Variants in MAN1A2 observed in about 807,000 individuals in gnomAD.
MAN1A2 encodes the protein mannosidase alpha class 1A member 2.
In MAN1A2, 26 loss-of-function variants were observed where a neutral mutation model predicts 75.7. The ratio of observed to expected loss-of-function variants is 0.34; its 90% confidence interval spans 0.25 to 0.48. The LOEUF is 0.48. Ranked by LOEUF, MAN1A2 falls within the 20% of genes least tolerant of loss-of-function variation. MAN1A2 has a pLI of 0.99. For missense variants in MAN1A2, 562 were observed against 775.5 expected (o/e 0.72, Z 3.27); for synonymous variants, 247 against 264.6 (o/e 0.93, Z 0.65).
intron 1 of MAN1A2, among the ~76,000 whole-genome samples, chr1:117,397,360 C>T (rs1275948774): frequency 6.6e-6 from 1 of 152,044 alleles, no homozygotes; most frequent in African/African-American, 2.4e-5. Flanking sequence ...ATGATTGGAG[C>T]TTTCCTTTAG....
chr1:117,486,822 T>C (rs530181267), intron 8 of MAN1A2, among the ~76,000 whole-genome samples: 21 of 152,012 alleles, frequency 1.4e-4, no homozygotes, highest in African/African-American at 5.1e-4. Flanking sequence ...AAAAGATTTT[T>C]CCCAGAGCTG....
chr1:117,406,662 A>G (rs796973026), intron 3 of MAN1A2, among the ~76,000 whole-genome samples: 2 of 152,184 alleles, frequency 1.3e-5, no homozygotes, highest in South Asian at 4.1e-4. Context: ...TAGAGACTTC[A>G]TAATATGATA....
intron 1 of MAN1A2, among the ~76,000 whole-genome samples, chr1:117,368,838 T>C (rs185781728): frequency 4.6e-5 from 7 of 152,322 alleles, no homozygotes; most frequent in Admixed American, 4.6e-4. Flanking sequence ...CCTGCATTTA[T>C]TAATAACGTG....
chr1:117,370,521 T>TA (rs141127624), intron 1 of MAN1A2, among the ~76,000 whole-genome samples: 11,623 of 152,298 alleles, frequency 0.076, 498 homozygotes, highest in Middle Eastern at 0.15. Context: ...TCTGTAGTAA[T>TA]AAACTTTCTT....
At chr1:117,485,021 G>A (rs1650626928) in intron 8 of MAN1A2, among the ~76,000 whole-genome samples, 1 of 151,806 alleles carries the variant, frequency 6.6e-6, no homozygotes, top group Non-Finnish European at 1.5e-5. Context: ...TGTGTTCAAG[G>A]GTTAAATGTT....
chr1:117,382,024 G>C (rs1298626537), intron 1 of MAN1A2, among the ~76,000 whole-genome samples: 13 of 151,882 alleles, frequency 8.6e-5, no homozygotes, highest in Non-Finnish European at 1.5e-4. Context: ...CCCACTTTTT[G>C]ATGGGGTTGT....
intron 1 of MAN1A2, among the ~76,000 whole-genome samples, chr1:117,373,769 C>A (rs927379556): frequency 6.6e-6 from 1 of 152,136 alleles, no homozygotes; most frequent in Admixed American, 6.5e-5. Flanking sequence ...GTTCGGATTA[C>A]AGGTGTTAGC....
intron 12 of MAN1A2, chr1:117,514,935 T>TA (rs1557980900): frequency 1.9e-6 from 1 of 531,260 alleles, no homozygotes; most frequent in Admixed American, 1.9e-5. Context: ...TCTGCTCACT[T>TA]ACTCCTGGAG....
chr1:117,463,780 C>G (rs1364326340), intron 7 of MAN1A2, among the ~76,000 whole-genome samples: 1 of 150,842 alleles, frequency 6.6e-6, no homozygotes, highest in African/African-American at 2.4e-5. Flanking sequence ...AGTTAGAACT[C>G]AGAACCAAAA....
chr1:117,523,079 A>C lies in MAN1A2; in HGVS notation c.*122A>C. ...TATGTCAACATGACAGGGTGAAACT[A>C]TTCCCCCTAAGACTGTTCAACTTGT... is the stretch of plus-strand genomic sequence containing the variant. On this transcript the variant is annotated 3_prime_UTR_variant, in exon 13 of 13. Transcript: ENST00000356554. The C allele has an allele frequency of 9.5e-7, 1 of 1,052,874 alleles. No individual in the cohort carries two copies. The highest frequency in any genetic ancestry group is 1.6e-5 in the African/African-American group (1 of 63,724). 65.2% of individuals were successfully genotyped at this position (1,052,874 alleles called of 1,614,324 possible).
At chr1:117,395,027 T>C (rs999878980) in intron 1 of MAN1A2, among the ~76,000 whole-genome samples, 1 of 152,206 alleles carries the variant, frequency 6.6e-6, no homozygotes, top group African/African-American at 2.4e-5. Context: ...TCATCCAGAA[T>C]GCTTCCAAAC....
At position 117,493,214 on chromosome 1, in the gene MAN1A2, A is replaced by G. The variant is rs1358037294; in HGVS notation, c.1236A>G (p.Ser412=). Residue 412 remains serine (S), a synonymous_variant, in exon 9 of 13, where the codon TCA becomes TCG. Coordinates refer to ENST00000356554, the MANE Select transcript of MAN1A2 (RefSeq NM_006699.5). ...ACTTACTGAAAGCATGGTTGATGTC[A>G]GATAAAACAGACCATGAGGCAAGAA... ...YEYLLKAWLM[S]DKTDHEARKM... is the part of the protein sequence containing the mutation. 6 of 1,612,444 alleles carry G rather than the reference A, an allele frequency of 3.7e-6. No homozygotes were observed. The highest frequency in any genetic ancestry group is 1.1e-5 in the South Asian group (1 of 91,036).
intron 1 of MAN1A2, among the ~76,000 whole-genome samples, chr1:117,388,398 C>G (rs1167435727): frequency 1.3e-5 from 2 of 151,948 alleles, no homozygotes; most frequent in African/African-American, 4.8e-5. Context: ...AAAGAAATAC[C>G]CGAGACTGGG....
chr1:117,470,736 A>G (rs1650123983), intron 8 of MAN1A2, among the ~76,000 whole-genome samples: 1 of 151,898 alleles, frequency 6.6e-6, no homozygotes, highest in Non-Finnish European at 1.5e-5. Context: ...GTTTTTGTAT[A>G]TTTTATATCA....
At chr1:117,468,243 A>C (rs985149650) in intron 8 of MAN1A2, among the ~76,000 whole-genome samples, 4 of 152,126 alleles carry the variant, frequency 2.6e-5, no homozygotes, top group Admixed American at 1.3e-4. Flanking sequence ...AGCCCCTTAT[A>C]AAACCATCAG....
At chr1:117,505,567 A>G (rs1651333665) in intron 12 of MAN1A2, among the ~76,000 whole-genome samples, 1 of 151,336 alleles carries the variant, frequency 6.6e-6, no homozygotes, top group African/African-American at 2.4e-5. Context: ...AAGGTCAAAC[A>G]AAAAGAAACA....
intron 8 of MAN1A2, among the ~76,000 whole-genome samples, chr1:117,472,955 C>A (rs1650207151): frequency 1.3e-5 from 2 of 151,912 alleles, no homozygotes; most frequent in Admixed American, 1.3e-4. Context: ...GTCAGTCCTC[C>A]ATTCTCTCTT....
chr1:117,466,531 G>T lies in MAN1A2; in HGVS notation c.1168+104G>T, dbSNP rs546770916. 2.7e-5 allele frequency: 18 copies of T among 665,018 alleles called. No homozygotes were observed. The East Asian group carries it at 5.5e-4, about 20-fold the overall frequency. 41.2% of individuals were successfully genotyped at this position (665,018 alleles called of 1,614,324 possible). Reference sequence around the variant, plus strand: ...CACTACGTGGAGTTAGAAACCCTCAGTGTCTAACCTTGTGGTCTGCTGGTG... The same window carrying T: ...CACTACGTGGAGTTAGAAACCCTCATTGTCTAACCTTGTGGTCTGCTGGTG... On this transcript the variant is annotated intron_variant, in intron 8 of 12. Transcript: ENST00000356554.
rs3050979 is a variant in MAN1A2 at position 117,512,750 on chromosome 1, TACAC to T, written c.1793+9811_1793+9814del. ...GCAATCTAAATATTAGGCACTGGGA[TACAC>T]ACACACACACACACACACACACACA... On this transcript the variant is annotated intron_variant, in intron 12 of 12. Transcript: ENST00000356554. 2.1e-3 allele frequency among the ~76,000 whole-genome samples: 300 copies of T among 143,844 alleles called. 6 individuals are homozygous for T. Among genetic ancestry groups the T allele is most frequent in the Admixed American group, 6.0e-3 (85 of 14,182 alleles). 94.4% of individuals were successfully genotyped at this position (143,844 alleles called of 152,430 possible).
Sources: gnomAD v4.1 joint callset for allele counts (sites outside exome capture counted in the v4.1 genomes callset) on GRCh38, gnomAD v4.1.1 for gene constraint, MANE v1.5 for transcripts, NCBI Gene and HGNC (gene_info 2026-07-23, HGNC 2026-07-21) for gene names.